PPP2R2B: variants seen among roughly 807,000 people sequenced by gnomAD.
The protein encoded by PPP2R2B is protein phosphatase 2 regulatory subunit Bbeta, also known as serine/threonine-protein phosphatase 2A 55 kDa regulatory subunit B beta isoform.
In PPP2R2B, 5 loss-of-function variants were observed where a neutral mutation model predicts 46.0. The observed-to-expected ratio is 0.11, with a 90% CI of 0.06 to 0.23. The LOEUF is 0.23. Ranked by LOEUF, PPP2R2B falls within the 10% of genes least tolerant of loss-of-function variation. PPP2R2B has a pLI of 1.00. For synonymous variants in PPP2R2B, 215 were observed against 206.7 expected (o/e 1.04, Z -0.34); for missense variants, 367 against 575.0 (o/e 0.64, Z 3.70).
chr5:146,759,593 C>T (rs1483301654), intron 2 of PPP2R2B, among the ~76,000 whole-genome samples: 2 of 152,180 alleles, frequency 1.3e-5, no homozygotes, highest in African/African-American at 4.8e-5. Flanking sequence ...CTAGAAAGCT[C>T]TCCTTGCCTC....
At chr5:146,733,928 G>GTAGTGGTGGTGGTAGTAATAGTAGA (rs1752385135) in intron 2 of PPP2R2B, among the ~76,000 whole-genome samples, 3 of 152,110 alleles carry the variant, frequency 2.0e-5, no homozygotes, top group African/African-American at 4.8e-5. Flanking sequence ...GGCAGTAGTA[G>GTAGTGGTGGTGGTAGTAATAGTAGA]CAGTGGTGGT....
intron 6 of PPP2R2B, among the ~76,000 whole-genome samples, chr5:146,647,035 C>G (rs959305208): frequency 2.0e-5 from 3 of 152,170 alleles, no homozygotes; most frequent in African/African-American, 7.2e-5. Flanking sequence ...CCTGAGTTCT[C>G]AACCGTAATG....
intron 7 of PPP2R2B, among the ~76,000 whole-genome samples, chr5:146,620,867 C>T (rs536841342): frequency 6.6e-6 from 1 of 152,320 alleles, no homozygotes; most frequent in African/African-American, 2.4e-5. Flanking sequence ...GAAGAGCTCT[C>T]GAGTGGCTAT....
intron 2 of PPP2R2B, among the ~76,000 whole-genome samples, chr5:146,814,361 T>C (rs1757807478): frequency 6.6e-6 from 1 of 152,134 alleles, no homozygotes. Flanking sequence ...TAGGTAGCTA[T>C]TCAGAAATGA....
At chr5:146,801,579 G>A (rs1372787764) in intron 2 of PPP2R2B, among the ~76,000 whole-genome samples, 3 of 152,178 alleles carry the variant, frequency 2.0e-5, no homozygotes, top group Non-Finnish European at 4.4e-5. Context: ...TTCATGCTGA[G>A]GGTGATGGGA....
chr5:146,809,008 C>T (rs1261923755), intron 2 of PPP2R2B, among the ~76,000 whole-genome samples: 3 of 151,000 alleles, frequency 2.0e-5, no homozygotes, highest in African/African-American at 7.4e-5. Context: ...CGCGCACCCA[C>T]TTCTCCAGTG....
intron 2 of PPP2R2B, among the ~76,000 whole-genome samples, chr5:146,742,890 T>C (rs1752961420): frequency 6.6e-6 from 1 of 152,078 alleles, no homozygotes; most frequent in African/African-American, 2.4e-5. Context: ...AAGGCAGAGA[T>C]GGGGTGATGC....
intron 2 of PPP2R2B, among the ~76,000 whole-genome samples, chr5:146,823,197 T>C (rs181868071): frequency 3.3e-5 from 5 of 152,126 alleles, no homozygotes; most frequent in Non-Finnish European, 5.9e-5. Context: ...GTTTACTTCT[T>C]CTTCTTCTTC....
At chr5:146,750,155 GC>G (rs1379139474) in intron 2 of PPP2R2B, among the ~76,000 whole-genome samples, 3 of 152,150 alleles carry the variant, frequency 2.0e-5, no homozygotes, top group African/African-American at 7.2e-5. Context: ...ATTGATCTAT[GC>G]CTCTATCTGT....
At chr5:146,861,009 G>A (rs1760951778) in intron 2 of PPP2R2B, among the ~76,000 whole-genome samples, 1 of 150,292 alleles carries the variant, frequency 6.7e-6, no homozygotes, top group Admixed American at 6.6e-5. Context: ...GACAGTCACA[G>A]TGTTCACTTA....
At chr5:146,779,935 G>A (rs1181105509) in intron 2 of PPP2R2B, among the ~76,000 whole-genome samples, 2 of 152,098 alleles carry the variant, frequency 1.3e-5, no homozygotes, top group South Asian at 2.1e-4. Context: ...TATAGGGGAC[G>A]AATTTTGGTT....
At chr5:147,015,777 A>C (rs1580806979) in intron 1 of PPP2R2B, among the ~76,000 whole-genome samples, 1 of 150,054 alleles carries the variant, frequency 6.7e-6, no homozygotes, top group East Asian at 2.1e-4. Context: ...AAATAATGTA[A>C]TATACATTCT....
chr5:147,009,898 C>CACAT (rs781463815), intron 1 of PPP2R2B, among the ~76,000 whole-genome samples: 19,770 of 144,914 alleles, frequency 0.14, 1,591 homozygotes, highest in East Asian at 0.26. Context: ...CACACACACA[C>CACAT]ATATATATAT....
intron 7 of PPP2R2B, among the ~76,000 whole-genome samples, chr5:146,626,518 G>A (rs746383197): frequency 5.3e-5 from 8 of 152,202 alleles, no homozygotes; most frequent in African/African-American, 1.9e-4. Context: ...GCCCTCCCTA[G>A]GCTCTAACAG....
intron 1 of PPP2R2B, among the ~76,000 whole-genome samples, chr5:146,895,467 TG>T (rs1762616423): frequency 6.6e-6 from 1 of 152,216 alleles, no homozygotes; most frequent in Admixed American, 6.5e-5. Context: ...GGATTCCCAG[TG>T]CCTAAGTACT....
At chr5:146,958,021 A>G (rs1196521590) in intron 1 of PPP2R2B, among the ~76,000 whole-genome samples, 1 of 152,196 alleles carries the variant, frequency 6.6e-6, no homozygotes, top group Non-Finnish European at 1.5e-5. Context: ...TGAGGGAAGT[A>G]GGAAAATCTG....
chr5:146,629,517 C>G (rs1032393971), intron 7 of PPP2R2B, among the ~76,000 whole-genome samples: 1 of 152,184 alleles, frequency 6.6e-6, no homozygotes, highest in Non-Finnish European at 1.5e-5. Context: ...AATGGTCTCT[C>G]TGCTTTCCAG....
rs964221985 is a variant in PPP2R2B at position 147,021,240 on chromosome 5, T to C, written c.79+34425A>G. Among the ~76,000 whole-genome samples the C allele has an allele frequency of 3.9e-5, 6 of 152,060 alleles. 1 individual carries two copies. Among genetic ancestry groups the C allele is most frequent in the Admixed American group, 3.3e-4 (5 of 15,260 alleles). The stretch of plus-strand genomic sequence containing the variant: ...AACAGACTTAATTGCTCTTTCAGTT[T>C]GAAGGCCTTTGATGAACCCTGGGGT... On this transcript the variant is annotated intron_variant, in intron 1 of 8. Transcript: ENST00000336640.
At chr5:147,010,352 A>G (rs1421618210) in intron 1 of PPP2R2B, among the ~76,000 whole-genome samples, 1 of 152,136 alleles carries the variant, frequency 6.6e-6, no homozygotes, top group African/African-American at 2.4e-5. Flanking sequence ...CATTACATTT[A>G]TTGTGCACTT....
Sources: allele counts gnomAD v4.1 joint callset (sites outside exome capture counted in the v4.1 genomes callset), GRCh38; gene constraint gnomAD v4.1.1; transcripts MANE v1.5; gene names NCBI Gene and HGNC (gene_info 2026-07-23, HGNC 2026-07-21).